The following ANKRD6 variants were observed in gnomAD, a reference collection of about 807,000 sequenced individuals.
ANKRD6 encodes ankyrin repeat domain 6.
In ANKRD6, 56 loss-of-function variants were observed where a neutral mutation model predicts 82.3. That is an observed-to-expected ratio of 0.68 (90% CI 0.55 to 0.85). The LOEUF (loss-of-function observed/expected upper bound fraction) is 0.85. ANKRD6 is among the 40% of genes least tolerant of loss of function. ANKRD6 has a pLI of 0.00. For missense variants in ANKRD6, 852 were observed against 907.6 expected, an observed-to-expected ratio of 0.94 and a Z score of 0.79; for synonymous variants, 347 against 352.1, an observed-to-expected ratio of 0.99 and a Z score of 0.16.
chr6:89,563,317 A>G (rs922873949), intron 1 of ANKRD6, among the ~76,000 whole-genome samples: 4 of 152,232 alleles, frequency 2.6e-5, no homozygotes, highest in African/African-American at 9.6e-5. Flanking sequence ...ATGGAGGGAA[A>G]TCTTAGCAAG....
chr6:89,530,232 G>A (rs970942231), intron 1 of ANKRD6, among the ~76,000 whole-genome samples: 1 of 152,138 alleles, frequency 6.6e-6, no homozygotes, highest in Non-Finnish European at 1.5e-5. Context: ...TCCAGCCTGG[G>A]CAACAGAGTG....
Position 89,631,101 on chromosome 6 carries a change from C to T in ANKRD6, c.*97C>T. ...AAGGAGTCAACTATTGTATATATTG[C>T]AGATTTGCCTTTTTAAAAAAATCAC... On this transcript the variant is annotated 3_prime_UTR_variant, in exon 16 of 16. Coordinates refer to ENST00000339746, the MANE Select transcript of ANKRD6 (RefSeq NM_001242809.2). 7.1e-7 allele frequency: 1 copy of T among 1,411,366 alleles called. No individual in the cohort carries two copies. The highest frequency in any genetic ancestry group is 2.5e-5 in the East Asian group (1 of 39,502). 87.4% of individuals were successfully genotyped at this position (1,411,366 alleles called of 1,614,324 possible).
At chr6:89,625,822 C>T (rs905556894) in intron 13 of ANKRD6, among the ~76,000 whole-genome samples, 3 of 151,580 alleles carry the variant, frequency 2.0e-5, no homozygotes, top group African/African-American at 7.3e-5. Flanking sequence ...CAGCCTCTGC[C>T]TCCTGGGTTC....
rs112028225 is a variant in ANKRD6, at chr6:89,491,555, G to A, written c.-144+58180G>A. The stretch of plus-strand genomic sequence containing the variant: ...TTGCAAGAACAAAAAGCCAAACACC[G>A]CATGTTCTCACTCATAGGTGGGAAT... On this transcript the variant is annotated intron_variant, in intron 1 of 15. Transcript: ENST00000339746. Among the ~76,000 whole-genome samples, 1,094 of 151,522 alleles carry A rather than the reference G, an allele frequency of 7.2e-3. 15 individuals carry two copies. The highest frequency in any genetic ancestry group is 0.026 in the African/African-American group (1,062 of 41,266).
At chr6:89,451,027 G>T (rs1772744332) in intron 1 of ANKRD6, among the ~76,000 whole-genome samples, 1 of 152,132 alleles carries the variant, frequency 6.6e-6, no homozygotes, top group Non-Finnish European at 1.5e-5. Flanking sequence ...CTAAAATTCA[G>T]CCGGGTGCCA....
intron 1 of ANKRD6, among the ~76,000 whole-genome samples, chr6:89,495,202 C>T (rs6921985): frequency 0.48 from 73,117 of 152,088 alleles, 17,947 homozygotes; most frequent in African/African-American, 0.56. Context: ...CACTGCACGC[C>T]AGCCTGGGCA....
chr6:89,554,707 T>C (rs1786332497), intron 1 of ANKRD6, among the ~76,000 whole-genome samples: 1 of 152,156 alleles, frequency 6.6e-6, no homozygotes, highest in Admixed American at 6.5e-5. Context: ...TGAACTTACA[T>C]AGTGGAATGA....
Position 89,499,854 on chromosome 6 carries a change from G to A in ANKRD6, c.-144+66479G>A, listed in dbSNP as rs183190163. 2.0e-5 allele frequency among the ~76,000 whole-genome samples: 3 copies of A among 152,086 alleles called. No homozygotes were observed. In the East Asian group the frequency reaches 5.8e-4, roughly 29 times the overall value. On this transcript the variant is annotated intron_variant, in intron 1 of 15. Transcript: ENST00000339746. ...TCAACTCTGTTATGATGCCCACTTT[G>A]ATTCCTCAAGACTTCAGCATCAAAA...
At chr6:89,537,856 G>A (rs1784017776) in intron 1 of ANKRD6, among the ~76,000 whole-genome samples, 1 of 136,652 alleles carries the variant, frequency 7.3e-6, no homozygotes, top group South Asian at 2.2e-4. Context: ...CTGTGGTTGT[G>A]CTGACAGAGT....
chr6:89,499,022 C>T (rs1778963797), intron 1 of ANKRD6, among the ~76,000 whole-genome samples: 1 of 152,146 alleles, frequency 6.6e-6, no homozygotes, highest in Non-Finnish European at 1.5e-5. Context: ...AACCACCTTC[C>T]AGCCAGGAGT....
chr6:89,623,961 G>C lies in ANKRD6; in HGVS notation c.1122G>C (p.Arg374Ser). 1 of 1,613,818 alleles carries C rather than the reference G, an allele frequency of 6.2e-7. No homozygotes were observed. The change falls in exon 12 of 16, where the codon AGG becomes AGC. Residue 374 changes from arginine (R) to serine (S), a missense_variant. Arg to Ser is a moderately radical substitution (Grantham distance 110). Transcript: ENST00000339746. Reference sequence around the variant, plus strand: ...ATGCTCATAATCACCCTAAAAAGAGGAACAGGCATCGGTGTTCATCCCCAC... The same window carrying C: ...ATGCTCATAATCACCCTAAAAAGAGCAACAGGCATCGGTGTTCATCCCCAC... ...NLHAHNHPKK[R>S]NRHRCSSPPP...
intron 1 of ANKRD6, among the ~76,000 whole-genome samples, 159 bp from the exon 2 acceptor site, chr6:89,566,675 G>A (rs959222051): frequency 2.0e-5 from 3 of 152,178 alleles, no homozygotes; most frequent in Non-Finnish European, 2.9e-5. Flanking sequence ...CTGTTCAGGG[G>A]CTTTGCTGTG....
In ANKRD6 at chr6:89,577,645, C is replaced by T. The variant is rs917094130; in HGVS notation, c.120+10549C>T. Among the ~76,000 whole-genome samples the T allele has an allele frequency of 2.6e-5, 4 of 152,110 alleles. No homozygotes were observed. The East Asian group carries it at 7.7e-4, about 29-fold the overall frequency. ...TTAGCCTGGGAAACATAGTGAGACC[C>T]TGTCTTTACAGAAAATAAAAAATTA... On this transcript the variant is annotated intron_variant, in intron 2 of 15. Transcript: ENST00000339746.
chr6:89,621,883 C>CACACCTGCACACACAGATGCTGCTGTT, intron 9 of ANKRD6, 39 bp from the exon 10 acceptor site: 1 of 1,582,266 alleles, frequency 6.3e-7, no homozygotes, highest in Non-Finnish European at 8.7e-7. Context: ...AGATGCTGCG[C>CACACCTGCACACACAGATGCTGCTGTT]ACACCAGTGG....
At chr6:89,522,744 A>G (rs1405128654) in intron 1 of ANKRD6, among the ~76,000 whole-genome samples, 1 of 152,112 alleles carries the variant, frequency 6.6e-6, no homozygotes, top group Non-Finnish European at 1.5e-5. Flanking sequence ...GATTTTAGAG[A>G]AATTTCCCAT....
At chr6:89,573,307 A>G (rs1185212606) in intron 2 of ANKRD6, among the ~76,000 whole-genome samples, 5 of 152,152 alleles carry the variant, frequency 3.3e-5, no homozygotes, top group Admixed American at 6.5e-5. Context: ...TAGTTACCCT[A>G]ATTTTTTCAC....
chr6:89,595,874 T>G, intron 2 of ANKRD6, 42 bp from the exon 3 acceptor site: 19 of 1,511,160 alleles, frequency 1.3e-5, no homozygotes, highest in Non-Finnish European at 1.6e-5. Context: ...GGAGTAGCAT[T>G]GAGGACTTGT....
At chr6:89,628,798 A>C (rs950752039) in intron 14 of ANKRD6, 12 of 271,324 alleles carry the variant, frequency 4.4e-5, no homozygotes, top group African/African-American at 2.5e-4. Context: ...ACAAAAAAAA[A>C]AACTAATAGA....
intron 1 of ANKRD6, among the ~76,000 whole-genome samples, chr6:89,459,522 T>C (rs1404075094): frequency 1.3e-5 from 2 of 152,208 alleles, no homozygotes; most frequent in Non-Finnish European, 2.9e-5. Flanking sequence ...CTATTTCCAA[T>C]GCCATCTAAG....
Sources: allele counts gnomAD v4.1 joint callset (sites outside exome capture counted in the v4.1 genomes callset), GRCh38; gene constraint gnomAD v4.1.1; transcripts MANE v1.5; gene names NCBI Gene and HGNC (gene_info 2026-07-23, HGNC 2026-07-21).